The following FLYWCH1 variants were observed in gnomAD, a reference collection of about 807,000 sequenced individuals.
FLYWCH1 encodes the protein FLYWCH-type zinc finger-containing protein 1.
Under a neutral mutation model 66.4 loss-of-function variants are expected in FLYWCH1, and 75 were observed. The observed-to-expected ratio is 1.13, with a 90% CI of 0.94 to 1.37. The LOEUF (loss-of-function observed/expected upper bound fraction) is 1.37. FLYWCH1 is among the 40% of genes most tolerant of loss of function. The probability of loss-of-function intolerance (pLI) is 0.00; values close to 1 mark genes in which losing one functional copy is unlikely to be tolerated. For missense variants in FLYWCH1, 1,334 were observed against 1,001.8 expected, an observed-to-expected ratio of 1.33 and a Z score of -4.48; for synonymous variants, 595 against 429.9, an observed-to-expected ratio of 1.38 and a Z score of -4.75.
intron 2 of FLYWCH1, among the ~76,000 whole-genome samples, chr16:2,918,852 G>A (rs144505798): frequency 3.3e-5 from 5 of 152,214 alleles, no homozygotes; most frequent in Admixed American, 6.5e-5. Context: ...GGGCTAGAAC[G>A]TAGTGTCTTG....
chr16:2,942,294 C>T (rs1441883266), intron 9 of FLYWCH1, among the ~76,000 whole-genome samples: 8 of 151,824 alleles, frequency 5.3e-5, no homozygotes, highest in Admixed American at 1.3e-4. Context: ...ACTACATGCA[C>T]GCACCACCAC....
intron 9 of FLYWCH1, among the ~76,000 whole-genome samples, chr16:2,945,591 C>T (rs550494033): frequency 9.8e-5 from 14 of 142,906 alleles, no homozygotes; most frequent in South Asian, 9.0e-4. Context: ...GGCAGTGCAC[C>T]GAGATCGTGC....
intron 1 of FLYWCH1, chr16:2,913,032 A>G (rs1175027399): frequency 6.6e-6 from 1 of 152,240 alleles, no homozygotes; most frequent in Non-Finnish European, 1.5e-5. Flanking sequence ...TGTGGAAGGA[A>G]CAAGGCTGAG....
At chr16:2,928,035 A>G (rs2070633677) in intron 2 of FLYWCH1, among the ~76,000 whole-genome samples, 1 of 152,176 alleles carries the variant, frequency 6.6e-6, no homozygotes, top group South Asian at 2.1e-4. Context: ...AGTTCAAGGA[A>G]AGGTACTGTG....
intron 2 of FLYWCH1, among the ~76,000 whole-genome samples, chr16:2,921,317 A>C (rs1567322705): frequency 6.6e-6 from 1 of 150,680 alleles, no homozygotes; most frequent in Admixed American, 6.6e-5. Context: ...ATATTCAGAA[A>C]GCTGTCCAAG....
intron 8 of FLYWCH1, 66 bp downstream of exon 8, chr16:2,938,522 A>T (rs1248008028): frequency 1.4e-6 from 2 of 1,443,850 alleles, no homozygotes; most frequent in Non-Finnish European, 1.8e-6. Context: ...CTCAGAACTG[A>T]TGCCCCAGGC....
At chr16:2,937,504 C>T (rs1415578881) in intron 7 of FLYWCH1, 120 bp downstream of exon 7, 4 of 1,192,942 alleles carry the variant, frequency 3.4e-6, no homozygotes, top group African/African-American at 3.2e-5. Flanking sequence ...ACAGCCGGGG[C>T]CATAAACTCC....
At chr16:2,917,325 G>A (rs996558137) in intron 2 of FLYWCH1, among the ~76,000 whole-genome samples, 2 of 149,552 alleles carry the variant, frequency 1.3e-5, no homozygotes, top group South Asian at 2.2e-4. Flanking sequence ...CACCTCCCGG[G>A]TACAAGCGAT....
rs202153698 is a variant in FLYWCH1 at position 2,930,826 on chromosome 16, C to G, written c.742C>G (p.Arg248Gly). Reference protein sequence around the residue: ...KPALEEEEAPRALSLLSLPPK... With the variant: ...KPALEEEEAPGALSLLSLPPK... The stretch of plus-strand genomic sequence containing the variant: ...GGCCCTGGAGGAGGAGGAGGCACCC[C>G]GAGCCCTGTCACTGCTGAGCCTGCC... Residue 248 changes from arginine to glycine, a missense_variant, in exon 4 of 10, where the codon CGA (arginine) becomes GGA (glycine). Coordinates refer to ENST00000253928, the MANE Select transcript of FLYWCH1 (RefSeq NM_001308068.2). 16 of 1,602,754 alleles carry G rather than the reference C, an allele frequency of 1.0e-5. No homozygotes were observed. The South Asian group carries it at 1.8e-4, about 18-fold the overall frequency.
intron 6 of FLYWCH1, chr16:2,935,709 C>T (rs897564913): frequency 6.6e-6 from 1 of 152,026 alleles, no homozygotes; most frequent in African/African-American, 2.4e-5. Context: ...CGTGACTGAT[C>T]CTCTGTGTGC....
chr16:2,937,040 G>T, intron 6 of FLYWCH1, 81 bp from the exon 7 acceptor site: 1 of 1,435,688 alleles, frequency 7.0e-7, no homozygotes, highest in Non-Finnish European at 9.3e-7. Context: ...TGGGCGTTGT[G>T]GGAGGTCTCA....
At chr16:2,945,079 G>T (rs1234188660) in intron 9 of FLYWCH1, among the ~76,000 whole-genome samples, 1 of 151,790 alleles carries the variant, frequency 6.6e-6, no homozygotes, top group Admixed American at 6.6e-5. Flanking sequence ...GCCGGGCATG[G>T]TGGCTCACAC....
In FLYWCH1 at chr16:2,929,833, C is replaced by T. The variant is rs775543736; in HGVS notation, c.148C>T (p.Gln50Ter). Residue 50 changes from glutamine to a stop codon, truncating the protein, a stop_gained, in exon 3 of 10, where the codon CAA becomes TAA. Coordinates refer to ENST00000253928, the MANE Select transcript of FLYWCH1 (RefSeq NM_001308068.2). LOFTEE classifies it high-confidence loss of function. ...SKLVLLTASD[Q>*]DEDGVGSKPQ... ...ACTGGTGCTGCTCACAGCCTCCGACCAAGATGAGGATGGGGTGGGATCCAA... is the reference window on the plus strand; with the variant it reads ...ACTGGTGCTGCTCACAGCCTCCGACTAAGATGAGGATGGGGTGGGATCCAA... The T allele has an allele frequency of 1.2e-6, 2 of 1,613,834 alleles. No homozygotes were observed. Among genetic ancestry groups the T allele is most frequent in the Non-Finnish European group, 1.7e-6 (2 of 1,179,896 alleles).
At chr16:2,929,414 G>A (rs934992048) in intron 2 of FLYWCH1, among the ~76,000 whole-genome samples, 199 bp from the exon 3 acceptor site, 1 of 99,792 alleles carries the variant, frequency 1.0e-5, no homozygotes. Context: ...TGGGGAAAGT[G>A]GGGTTGGATG....
At chr16:2,931,016 T>C (rs2070744079) in intron 4 of FLYWCH1, 136 bp downstream of exon 4, 3 of 760,058 alleles carry the variant, frequency 3.9e-6, no homozygotes, top group Non-Finnish European at 2.1e-6. Context: ...TTTAAAAATA[T>C]AAATGTGGCC....
At chr16:2,920,264 C>T (rs186235933) in intron 2 of FLYWCH1, among the ~76,000 whole-genome samples, 1 of 152,034 alleles carries the variant, frequency 6.6e-6, no homozygotes, top group East Asian at 1.9e-4. Flanking sequence ...ACCTGTAATC[C>T]CAGCACTTTA....
In FLYWCH1 at chr16:2,912,081, C is replaced by A. The variant is rs1420262099; in HGVS notation, c.-261C>A. ...CGGCCTGGGTCGCGGGGTCGACGCT[C>A]GCTGCTGCAGCGGCAGAGGCTGAAG... is the stretch of plus-strand genomic sequence containing the variant. On this transcript the variant is annotated 5_prime_UTR_variant, in exon 1 of 10. Coordinates refer to ENST00000253928, the MANE Select transcript of FLYWCH1 (RefSeq NM_001308068.2). The A allele has an allele frequency of 6.6e-6, 1 of 152,596 alleles. No homozygotes were observed. Among genetic ancestry groups the A allele is most frequent in the South Asian group, 2.1e-4 (1 of 4,878 alleles). The allele number at this position is 152,596 out of a possible 1,614,324, so 9.5% of individuals were successfully genotyped here.
intron 9 of FLYWCH1, among the ~76,000 whole-genome samples, chr16:2,945,863 G>A (rs543155274): frequency 6.6e-6 from 1 of 152,064 alleles, no homozygotes; most frequent in South Asian, 2.1e-4. Flanking sequence ...CGAGCGTGGT[G>A]GCAGGTGCCT....
chr16:2,924,802 C>T (rs767273312), intron 2 of FLYWCH1, among the ~76,000 whole-genome samples: 6 of 152,220 alleles, frequency 3.9e-5, no homozygotes, highest in Non-Finnish European at 8.8e-5. Context: ...GGAACGGGTC[C>T]TCAGCCTTCC....
Sources: gnomAD v4.1 joint callset for allele counts (sites outside exome capture counted in the v4.1 genomes callset) on GRCh38, gnomAD v4.1.1 for gene constraint, MANE v1.5 for transcripts, NCBI Gene and HGNC (gene_info 2026-07-23, HGNC 2026-07-21) for gene names.